Variants in LRP1B observed in about 807,000 individuals in gnomAD.
LRP1B encodes low-density lipoprotein receptor-related protein 1B.
A neutral mutation model predicts 556.6 loss-of-function variants in LRP1B; 217 were observed. The observed-to-expected ratio is 0.39, with a 90% CI of 0.35 to 0.44. The LOEUF is 0.44. LRP1B is among the 20% of genes least tolerant of loss of function. LRP1B has a pLI of 1.00. For missense variants in LRP1B, 5,053 were observed against 5,620.8 expected, an observed-to-expected ratio of 0.90 and a Z score of 3.23; for synonymous variants, 2,047 against 1,865.8, an observed-to-expected ratio of 1.10 and a Z score of -2.50.
At chr2:141,593,314 C>T (rs1024929339) in intron 2 of LRP1B, among the ~76,000 whole-genome samples, 2 of 152,068 alleles carry the variant, frequency 1.3e-5, no homozygotes, top group Admixed American at 6.6e-5. Flanking sequence ...AGTACCCCCT[C>T]GACATATATA....
intron 5 of LRP1B, among the ~76,000 whole-genome samples, chr2:141,238,732 A>G (rs917618827): frequency 1.3e-5 from 2 of 152,112 alleles, no homozygotes; most frequent in African/African-American, 2.4e-5. Context: ...TTCAGAATGT[A>G]TTTACAAAGT....
chr2:141,101,086 G>A (rs1036515371), intron 7 of LRP1B, among the ~76,000 whole-genome samples: 1 of 152,084 alleles, frequency 6.6e-6, no homozygotes, highest in Non-Finnish European at 1.5e-5. Flanking sequence ...TTCCTCTCTA[G>A]AGGAATGCTC....
chr2:140,685,999 A>C (rs1163924085), intron 41 of LRP1B, among the ~76,000 whole-genome samples: 1 of 152,116 alleles, frequency 6.6e-6, no homozygotes, highest in Non-Finnish European at 1.5e-5. Context: ...AAAAGACTGA[A>C]CTTCATGGTG....
At chr2:141,092,799 C>T (rs772074288) in intron 7 of LRP1B, among the ~76,000 whole-genome samples, 2 of 152,012 alleles carry the variant, frequency 1.3e-5, no homozygotes, top group Non-Finnish European at 2.9e-5. Context: ...AGAGTTCAAG[C>T]GTTCGAGATG....
At chr2:140,294,288 A>G (rs1264106466) in intron 84 of LRP1B, among the ~76,000 whole-genome samples, 1 of 152,216 alleles carries the variant, frequency 6.6e-6, no homozygotes, top group Non-Finnish European at 1.5e-5. Context: ...TTGAACACTG[A>G]TTAAATGTAA....
intron 2 of LRP1B, among the ~76,000 whole-genome samples, chr2:141,661,105 GAAAC>G (rs1558787820): frequency 6.6e-6 from 1 of 152,092 alleles, no homozygotes; most frequent in African/African-American, 2.4e-5. Context: ...ACTGTTAAAA[GAAAC>G]AAACAAACAG....
chr2:141,886,975 TTTTTG>T (rs1272735905), intron 1 of LRP1B, among the ~76,000 whole-genome samples: 3 of 76,662 alleles, frequency 3.9e-5, no homozygotes, highest in Non-Finnish European at 7.9e-5. Context: ...TTTTTTTTTT[TTTTTG>T]GGTTTTTTGT....
intron 2 of LRP1B, among the ~76,000 whole-genome samples, chr2:141,742,513 C>A (rs1693749822): frequency 6.6e-6 from 1 of 152,104 alleles, no homozygotes; most frequent in South Asian, 2.1e-4. Context: ...CTCAGCCTCC[C>A]AAAGTGCTGG....
In LRP1B at chr2:141,922,808, G is replaced by C. The variant is rs116455108; in HGVS notation, c.83-112407C>G. 3.1e-3 allele frequency among the ~76,000 whole-genome samples: 476 copies of C among 152,184 alleles called. 4 individuals are homozygous for C. Among genetic ancestry groups the C allele is most frequent in the African/African-American group, 0.011 (444 of 41,528 alleles). ...AGTTCTCTCAGCTATAAATGGGAAT[G>C]ATAAAAAGTAGCCAGGCGTGGTGGC... On this transcript the variant is annotated intron_variant, in intron 1 of 90. Transcript: ENST00000389484.
chr2:140,987,354 A>G (rs1329859535), intron 17 of LRP1B, among the ~76,000 whole-genome samples: 1 of 152,124 alleles, frequency 6.6e-6, no homozygotes, highest in Non-Finnish European at 1.5e-5. Flanking sequence ...TATTTTAGAT[A>G]TCTTATTATT....
At chr2:142,048,199 C>T (rs916976346) in intron 1 of LRP1B, among the ~76,000 whole-genome samples, 34 of 151,942 alleles carry the variant, frequency 2.2e-4, no homozygotes, top group African/African-American at 7.7e-4. Flanking sequence ...TTTTTTTCTG[C>T]CTTGTTGAGG....
chr2:140,770,646 C>T (rs1453783054), intron 34 of LRP1B, among the ~76,000 whole-genome samples: 1 of 151,994 alleles, frequency 6.6e-6, no homozygotes, highest in Non-Finnish European at 1.5e-5. Flanking sequence ...TGATAATATA[C>T]AGCAGTTGCT....
chr2:140,345,325 G>C (rs959517337), intron 77 of LRP1B, among the ~76,000 whole-genome samples: 2 of 151,528 alleles, frequency 1.3e-5, no homozygotes, highest in African/African-American at 4.8e-5. Context: ...ACACTTCTTT[G>C]TCCTCATTCA....
At chr2:140,367,564 A>G (rs1471039835) in intron 71 of LRP1B, among the ~76,000 whole-genome samples, 1 of 151,758 alleles carries the variant, frequency 6.6e-6, no homozygotes, top group Non-Finnish European at 1.5e-5. Context: ...ATTAATCTCA[A>G]TTATGAAATC....
intron 65 of LRP1B, among the ~76,000 whole-genome samples, chr2:140,443,366 TGA>T (rs1686514193): frequency 6.6e-6 from 1 of 152,178 alleles, no homozygotes; most frequent in African/African-American, 2.4e-5. Context: ...CGGCCTGTGT[TGA>T]GTTTTTGAGG....
intron 2 of LRP1B, among the ~76,000 whole-genome samples, chr2:141,636,055 T>C (rs975995375): frequency 6.6e-6 from 1 of 152,014 alleles, no homozygotes; most frequent in Non-Finnish European, 1.5e-5. Context: ...CAATTGACAA[T>C]CAATATTAAG....
At chr2:141,851,414 A>G (rs994577381) in intron 1 of LRP1B, among the ~76,000 whole-genome samples, 6 of 151,792 alleles carry the variant, frequency 4.0e-5, no homozygotes, top group African/African-American at 9.7e-5. Flanking sequence ...CTATTCTGCT[A>G]TACACTGAAA....
chr2:141,749,434 C>T (rs1694027965), intron 2 of LRP1B, among the ~76,000 whole-genome samples: 1 of 152,084 alleles, frequency 6.6e-6, no homozygotes. Context: ...GGCCTGTTTT[C>T]ACCCAGGAAA....
chr2:142,095,959 A>G (rs1188761905), intron 1 of LRP1B, among the ~76,000 whole-genome samples: 1 of 151,718 alleles, frequency 6.6e-6, no homozygotes, highest in Non-Finnish European at 1.5e-5. Context: ...CCTGGTGAAT[A>G]GTCCTATATG....
Sources: gnomAD v4.1 joint callset for allele counts (sites outside exome capture counted in the v4.1 genomes callset) on GRCh38, gnomAD v4.1.1 for gene constraint, MANE v1.5 for transcripts, NCBI Gene and HGNC (gene_info 2026-07-23, HGNC 2026-07-21) for gene names.